ANKIB1: variants seen among roughly 807,000 people sequenced by gnomAD.
ANKIB1 encodes the protein ankyrin repeat and IBR domain containing 1.
ANKIB1 carries 43 observed loss-of-function variants against 122.1 expected under a neutral mutation model. The observed-to-expected ratio is 0.35, with a 90% CI of 0.28 to 0.45. ANKIB1 has a LOEUF of 0.45. ANKIB1 is among the 20% of genes least tolerant of loss of function. The pLI, the probability that ANKIB1 is intolerant of heterozygous loss-of-function variation, is 1.00. For missense variants in ANKIB1, 992 were observed against 1,329.5 expected (o/e 0.75, Z 3.95); for synonymous variants, 390 against 442.0 (o/e 0.88, Z 1.48).
At chr7:92,289,070 A>G (rs1802195079) in intron 1 of ANKIB1, among the ~76,000 whole-genome samples, 1 of 152,236 alleles carries the variant, frequency 6.6e-6, no homozygotes, top group Admixed American at 6.5e-5. Context: ...TATGAATGTT[A>G]TGGCAGCCTT....
intron 1 of ANKIB1, among the ~76,000 whole-genome samples, chr7:92,289,372 T>G (rs554513960): frequency 1.3e-5 from 2 of 152,272 alleles, no homozygotes; most frequent in African/African-American, 4.8e-5. Context: ...TTTTTATCCT[T>G]TTGTTCATTT....
Position 92,396,359 on chromosome 7 carries a change from A to AT in ANKIB1, c.2284-5dup, listed in dbSNP as rs1804889107. 1.3e-6 allele frequency: 2 copies of AT among 1,492,400 alleles called. No homozygotes were observed. Among genetic ancestry groups the AT allele is most frequent in the East Asian group, 4.6e-5 (2 of 43,040 alleles). 92.4% of individuals were successfully genotyped at this position (1,492,400 alleles called of 1,614,324 possible). ...TCTTGTATTTTATAACCTTTGGTTT[A>AT]TGCAGGAATATGCTGAATTTCAGTA... On this transcript the variant is annotated splice_region_variant and splice_polypyrimidine_tract_variant and intron_variant, in intron 17 of 19. Coordinates refer to ENST00000265742, the MANE Select transcript of ANKIB1 (RefSeq NM_019004.2).
chr7:92,256,750 C>T (rs1038130836), intron 1 of ANKIB1, among the ~76,000 whole-genome samples: 1 of 152,178 alleles, frequency 6.6e-6, no homozygotes, highest in Non-Finnish European at 1.5e-5. Flanking sequence ...TACCTCAGAA[C>T]CCTTGTGACA....
intron 1 of ANKIB1, among the ~76,000 whole-genome samples, chr7:92,267,606 A>C (rs530447399): frequency 2.0e-5 from 3 of 152,150 alleles, no homozygotes; most frequent in Non-Finnish European, 4.4e-5. Flanking sequence ...ATGTTCCTTC[A>C]TGTTTTCTTC....
chr7:92,392,228 A>C lies in ANKIB1; in HGVS notation c.2232-13A>C, dbSNP rs190265658. 6.2e-7 allele frequency: 1 copy of C among 1,608,302 alleles called. No homozygotes were observed. The highest frequency in any genetic ancestry group is 8.5e-7 in the Non-Finnish European group (1 of 1,176,298). On this transcript the variant is annotated splice_polypyrimidine_tract_variant and intron_variant, in intron 16 of 19. Coordinates refer to ENST00000265742, the MANE Select transcript of ANKIB1 (RefSeq NM_019004.2). ...TGATATTAAATCAAATGGTATGTCT[A>C]ATTTCTTTGTAGCTTTGCTGGTGGA...
At chr7:92,372,732 T>C (rs1585131226) in intron 11 of ANKIB1, among the ~76,000 whole-genome samples, 1 of 152,318 alleles carries the variant, frequency 6.6e-6, no homozygotes, top group East Asian at 1.9e-4. Flanking sequence ...AATATGCTGG[T>C]ATGTTATTAA....
chr7:92,363,187 C>T (rs974458684), intron 10 of ANKIB1, among the ~76,000 whole-genome samples: 1 of 151,844 alleles, frequency 6.6e-6, no homozygotes, highest in Non-Finnish European at 1.5e-5. Context: ...GAGAGGCAGG[C>T]GGATCATGAG....
chr7:92,297,126 A>T (rs971921391), intron 2 of ANKIB1, among the ~76,000 whole-genome samples: 7 of 152,198 alleles, frequency 4.6e-5, no homozygotes, highest in African/African-American at 1.7e-4. Flanking sequence ...CTGAATCCTC[A>T]TTACAATTTT....
intron 8 of ANKIB1, 51 bp downstream of exon 8, chr7:92,351,145 T>G: frequency 7.5e-7 from 1 of 1,339,494 alleles, no homozygotes; most frequent in Non-Finnish European, 9.8e-7. Flanking sequence ...TTGATTTTAT[T>G]AAACCTTTAT....
intron 1 of ANKIB1, among the ~76,000 whole-genome samples, chr7:92,262,643 A>G (rs939095837): frequency 6.6e-6 from 1 of 152,204 alleles, no homozygotes; most frequent in African/African-American, 2.4e-5. Flanking sequence ...AGAAGAAAAT[A>G]TACCAGTATG....
chr7:92,302,928 C>T (rs1490151102), intron 2 of ANKIB1, among the ~76,000 whole-genome samples: 1 of 152,126 alleles, frequency 6.6e-6, no homozygotes, highest in Non-Finnish European at 1.5e-5. Context: ...AATGAATGCT[C>T]AGTCAATGTT....
intron 14 of ANKIB1, among the ~76,000 whole-genome samples, chr7:92,389,323 G>GT (rs914409143): frequency 4.6e-5 from 7 of 151,018 alleles, no homozygotes; most frequent in Non-Finnish European, 1.0e-4. Context: ...TTAATTTCTG[G>GT]TTTTTTTCTG....
At chr7:92,374,455 G>C (rs1359983124) in intron 11 of ANKIB1, among the ~76,000 whole-genome samples, 1 of 152,086 alleles carries the variant, frequency 6.6e-6, no homozygotes, top group Non-Finnish European at 1.5e-5. Context: ...TCCAGCGTGG[G>C]CAACAAGAGC....
chr7:92,278,248 C>G (rs759460971), intron 1 of ANKIB1, among the ~76,000 whole-genome samples: 8 of 151,922 alleles, frequency 5.3e-5, no homozygotes, highest in Non-Finnish European at 7.4e-5. Context: ...GAGACCCTGT[C>G]TCAAAATAAA....
intron 3 of ANKIB1, among the ~76,000 whole-genome samples, chr7:92,313,579 T>C (rs1349854967): frequency 6.6e-6 from 1 of 152,208 alleles, no homozygotes; most frequent in Non-Finnish European, 1.5e-5. Flanking sequence ...GTTACAGGTA[T>C]TGAAGAGATA....
At chr7:92,279,599 GC>G (rs775830799) in intron 1 of ANKIB1, among the ~76,000 whole-genome samples, 18 of 152,152 alleles carry the variant, frequency 1.2e-4, no homozygotes, top group Non-Finnish European at 2.4e-4. Context: ...TATTCATTGA[GC>G]CTGTTCCTGC....
intron 7 of ANKIB1, among the ~76,000 whole-genome samples, chr7:92,350,579 C>T (rs908237100): frequency 6.6e-6 from 1 of 151,946 alleles, no homozygotes; most frequent in Non-Finnish European, 1.5e-5. Context: ...GAAAATTGGC[C>T]AGACACAGTA....
rs955595050 is a variant in ANKIB1, at chr7:92,301,919, T to A, written c.189-5440T>A. Reference sequence around the variant, plus strand: ...CTGAGACTTCATTGTAGACTGTAGCTGAGCTTGGCTAGATTCCTTTTTTCT... The same window carrying A: ...CTGAGACTTCATTGTAGACTGTAGCAGAGCTTGGCTAGATTCCTTTTTTCT... On this transcript the variant is annotated intron_variant, in intron 2 of 19. Transcript: ENST00000265742. 5.3e-5 allele frequency among the ~76,000 whole-genome samples: 8 copies of A among 152,220 alleles called. No homozygotes were observed. In the East Asian group the frequency reaches 1.5e-3, roughly 29 times the overall value.
chr7:92,250,303 G>T (rs1801300012), intron 1 of ANKIB1, among the ~76,000 whole-genome samples: 1 of 152,188 alleles, frequency 6.6e-6, no homozygotes, highest in South Asian at 2.1e-4. Context: ...TGAGGCAGGA[G>T]AATCGCCTGA....
Sources: allele counts gnomAD v4.1 joint callset (sites outside exome capture counted in the v4.1 genomes callset), GRCh38; gene constraint gnomAD v4.1.1; transcripts MANE v1.5; gene names NCBI Gene and HGNC (gene_info 2026-07-23, HGNC 2026-07-21).